GALNTL6: variants seen among roughly 807,000 people sequenced by gnomAD.
The protein encoded by GALNTL6 is polypeptide N-acetylgalactosaminyltransferase-like 6.
GALNTL6 carries 46 observed loss-of-function variants against 73.7 expected under a neutral mutation model. The observed-to-expected ratio is 0.62, with a 90% CI of 0.49 to 0.80. GALNTL6 has a LOEUF of 0.80. Ranked by LOEUF, GALNTL6 falls within the 30% of genes least tolerant of loss-of-function variation. GALNTL6 has a pLI of 0.00. For missense variants in GALNTL6, 604 were observed against 755.0 expected (o/e 0.80, Z 2.34); for synonymous variants, 259 against 263.7 (o/e 0.98, Z 0.17).
intron 2 of GALNTL6, among the ~76,000 whole-genome samples, chr4:172,172,681 T>C (rs1395552668): frequency 1.3e-5 from 2 of 152,132 alleles, no homozygotes; most frequent in East Asian, 1.9e-4. Flanking sequence ...AAATAAATTA[T>C]AGTACTTTCT....
intron 5 of GALNTL6, among the ~76,000 whole-genome samples, chr4:172,643,711 G>A (rs971296116): frequency 9.2e-5 from 14 of 151,810 alleles, no homozygotes; most frequent in Non-Finnish European, 2.9e-5. Flanking sequence ...ACCATTTTCT[G>A]TAATATTTAT....
chr4:172,677,114 AC>A, intron 5 of GALNTL6, among the ~76,000 whole-genome samples: 1 of 152,208 alleles, frequency 6.6e-6, no homozygotes, highest in South Asian at 2.1e-4. Flanking sequence ...TGCTATAACC[AC>A]CTAATATTTA....
intron 2 of GALNTL6, among the ~76,000 whole-genome samples, chr4:171,844,837 C>G (rs545705092): frequency 1.9e-4 from 29 of 152,274 alleles, no homozygotes; most frequent in African/African-American, 5.3e-4. Context: ...GAGATGGTTG[C>G]TGTGGCAGGG....
At chr4:172,306,225 C>T (rs1485083163) in intron 3 of GALNTL6, among the ~76,000 whole-genome samples, 1 of 152,014 alleles carries the variant, frequency 6.6e-6, no homozygotes, top group Non-Finnish European at 1.5e-5. Context: ...CCTGTCTCTA[C>T]TAAAAATACA....
At chr4:172,746,457 G>A (rs1737113583) in intron 5 of GALNTL6, among the ~76,000 whole-genome samples, 1 of 151,920 alleles carries the variant, frequency 6.6e-6, no homozygotes, top group Admixed American at 6.6e-5. Flanking sequence ...TATTTTAATT[G>A]GATATAGCCA....
chr4:172,059,239 T>TA (rs1731119015), intron 2 of GALNTL6, among the ~76,000 whole-genome samples: 1 of 152,186 alleles, frequency 6.6e-6, no homozygotes, highest in African/African-American at 2.4e-5. Flanking sequence ...TCAGACAGAA[T>TA]AAGAGGAAGC....
chr4:172,654,483 A>G (rs570609642), intron 5 of GALNTL6, among the ~76,000 whole-genome samples: 1 of 152,218 alleles, frequency 6.6e-6, no homozygotes, highest in Admixed American at 6.5e-5. Context: ...TATTTTTTTC[A>G]TACTTAGGTC....
chr4:173,008,273 GT>G (rs1752386994), intron 10 of GALNTL6, among the ~76,000 whole-genome samples: 1 of 152,178 alleles, frequency 6.6e-6, no homozygotes. Flanking sequence ...CATGATAGTG[GT>G]AGAAGGTGCT....
At chr4:172,236,882 C>T (rs958169049) in intron 3 of GALNTL6, among the ~76,000 whole-genome samples, 3 of 152,134 alleles carry the variant, frequency 2.0e-5, no homozygotes, top group African/African-American at 7.2e-5. Context: ...CCTTCATCCT[C>T]ATGTAGGTCT....
At chr4:172,000,669 G>A (rs1740648024) in intron 2 of GALNTL6, among the ~76,000 whole-genome samples, 1 of 152,114 alleles carries the variant, frequency 6.6e-6, no homozygotes, top group East Asian at 1.9e-4. Flanking sequence ...GTTAGGCTAT[G>A]TTATGGTAAG....
intron 5 of GALNTL6, among the ~76,000 whole-genome samples, chr4:172,794,623 C>T (rs1312308683): frequency 6.6e-6 from 1 of 152,164 alleles, no homozygotes; most frequent in Admixed American, 6.5e-5. Flanking sequence ...CCACTTCAGA[C>T]TTTTTCCAGG....
chr4:172,110,492 GA>G (rs1732821821), intron 2 of GALNTL6, among the ~76,000 whole-genome samples: 1 of 152,090 alleles, frequency 6.6e-6, no homozygotes, highest in Admixed American at 6.6e-5. Flanking sequence ...AAAAATTAAA[GA>G]AAAAAGTGCA....
intron 5 of GALNTL6, among the ~76,000 whole-genome samples, chr4:172,606,652 GTATATATATACTATA>G (rs1738303922): frequency 8.6e-5 from 3 of 34,772 alleles, no homozygotes; most frequent in Admixed American, 9.7e-4. Context: ...TATATATATA[GTATATATATACTATA>G]TATATATACT....
In GALNTL6 at chr4:172,039,085, T is replaced by C. The variant is rs555623314; in HGVS notation, c.139-190571T>C. 2.7e-3 allele frequency among the ~76,000 whole-genome samples: 418 copies of C among 152,324 alleles called. 1 individual carries two copies. Among genetic ancestry groups the C allele is most frequent in the African/African-American group, 9.7e-3 (402 of 41,586 alleles). On this transcript the variant is annotated intron_variant, in intron 2 of 12. Coordinates refer to ENST00000506823, the MANE Select transcript of GALNTL6 (RefSeq NM_001034845.3). ...CTCCACTAATTGTTCTATCTACTGATCATGGGTCATATTTCTTTTGTTCTT... is the reference window on the plus strand; with the variant it reads ...CTCCACTAATTGTTCTATCTACTGACCATGGGTCATATTTCTTTTGTTCTT...
intron 2 of GALNTL6, among the ~76,000 whole-genome samples, chr4:171,905,433 GA>G (rs1737244729): frequency 6.6e-6 from 1 of 152,006 alleles, no homozygotes; most frequent in Non-Finnish European, 1.5e-5. Context: ...AATTCAACAA[GA>G]AGAGCTAACT....
intron 5 of GALNTL6, among the ~76,000 whole-genome samples, chr4:172,403,267 A>G (rs1380495738): frequency 3.3e-5 from 5 of 152,048 alleles, no homozygotes; most frequent in Non-Finnish European, 1.5e-5. Context: ...GTCCCAGCTC[A>G]ATATTTACAC....
chr4:171,972,238 T>C (rs1739594580), intron 2 of GALNTL6, among the ~76,000 whole-genome samples: 1 of 152,194 alleles, frequency 6.6e-6, no homozygotes, highest in Admixed American at 6.5e-5. Context: ...TATAGCACAT[T>C]AGTATTTAAA....
rs182460805 is a variant in GALNTL6 at position 172,637,238 on chromosome 4, G to T, written c.554-172123G>T. 9.6e-4 allele frequency among the ~76,000 whole-genome samples: 146 copies of T among 152,206 alleles called. 1 individual carries two copies. The highest frequency in any genetic ancestry group is 1.2e-3 in the South Asian group (6 of 4,826). ...AAAACTTGGTTTAGAATAATAAAATGATACCAAATCAGAATCAGAATCACA... is the reference window on the plus strand; with the variant it reads ...AAAACTTGGTTTAGAATAATAAAATTATACCAAATCAGAATCAGAATCACA... On this transcript the variant is annotated intron_variant, in intron 5 of 12. Transcript: ENST00000506823.
At chr4:172,998,127 T>G (rs1183148925) in intron 10 of GALNTL6, among the ~76,000 whole-genome samples, 1 of 152,182 alleles carries the variant, frequency 6.6e-6, no homozygotes, top group African/African-American at 2.4e-5. Flanking sequence ...AAGGAAAATG[T>G]GCACAAGATA....
Sources: allele counts gnomAD v4.1 joint callset (sites outside exome capture counted in the v4.1 genomes callset), GRCh38; gene constraint gnomAD v4.1.1; transcripts MANE v1.5; gene names NCBI Gene and HGNC (gene_info 2026-07-23, HGNC 2026-07-21).